Variants in SOX13 observed in about 807,000 individuals in gnomAD.
SOX13 encodes the protein transcription factor SOX-13.
Under a neutral mutation model 71.8 loss-of-function variants are expected in SOX13, and 28 were observed. The ratio of observed to expected loss-of-function variants is 0.39; its 90% CI spans 0.29 to 0.53. The LOEUF is 0.53. Among genes scored for constraint, SOX13 ranks in the 20% least tolerant of loss-of-function variants. The pLI, the probability that SOX13 is intolerant of heterozygous loss-of-function variation, is 0.70. For synonymous variants in SOX13, 309 were observed against 317.8 expected, an observed-to-expected ratio of 0.97 and a Z score of 0.29; for missense variants, 627 against 810.3, an observed-to-expected ratio of 0.77 and a Z score of 2.75.
In SOX13 at chr1:204,116,547, G is replaced by T. The variant is rs748987612; in HGVS notation, c.459G>T (p.Leu153=). The T allele has an allele frequency of 2.9e-5, 47 of 1,613,872 alleles. No individual in the cohort carries two copies. Among genetic ancestry groups the T allele is most frequent in the Non-Finnish European group, 3.8e-5 (45 of 1,179,900 alleles). The change falls in exon 5 of 14, where the codon CTG becomes CTT. Residue 153 remains leucine, a synonymous_variant. Coordinates refer to ENST00000367204, the MANE Select transcript of SOX13 (RefSeq NM_005686.3). ...ESLAEKELQL[L]VMIHQLSTLR... The stretch of plus-strand genomic sequence containing the variant: ...TAGCAGAGAAGGAGCTCCAGCTTCT[G>T]GTCATGATTCACCAGCTGTCCACCC...
At chr1:204,122,147 T>C in intron 8 of SOX13, 90 bp from the exon 9 acceptor site, 1 of 1,208,122 alleles carries the variant, frequency 8.3e-7, no homozygotes, top group Non-Finnish European at 1.2e-6. Context: ...CCTTGTGTGT[T>C]CTGGGTATGC....
intron 1 of SOX13, among the ~76,000 whole-genome samples, chr1:204,112,285 A>G (rs1258545734): frequency 6.6e-6 from 1 of 152,092 alleles, no homozygotes; most frequent in African/African-American, 2.4e-5. Context: ...TACTAAAAAT[A>G]CAAATATTAG....
At chr1:204,117,489 C>A in intron 6 of SOX13, 104 bp from the exon 7 acceptor site, 1 of 745,464 alleles carries the variant, frequency 1.3e-6, no homozygotes. Flanking sequence ...TGCTTTATCC[C>A]CTGTGCCTCT....
Position 204,123,825 on chromosome 1 carries a change from C to T in SOX13, c.1375+21C>T. The T allele has an allele frequency of 6.2e-7, 1 of 1,613,482 alleles. No homozygotes were observed. Among genetic ancestry groups the T allele is most frequent in the Non-Finnish European group, 8.5e-7 (1 of 1,179,616 alleles). ...CCTTGGTAAGGGCCAGTGGCTGGGGCCATGGTTCAGTGTGACCTGGTTGCA... is the reference window on the plus strand; with the variant it reads ...CCTTGGTAAGGGCCAGTGGCTGGGGTCATGGTTCAGTGTGACCTGGTTGCA... On this transcript the variant is annotated intron_variant, in intron 12 of 13. Transcript: ENST00000367204. This position sits in a 1 kb window ranked among gnomAD's most constrained non-coding sequence, Gnocchi z 5.0.
At chr1:204,086,942 A>C (rs1656034588) in intron 1 of SOX13, among the ~76,000 whole-genome samples, 1 of 134,880 alleles carries the variant, frequency 7.4e-6, no homozygotes, top group Admixed American at 7.7e-5. Flanking sequence ...TTTTTTTTTG[A>C]GACGGAGTCT....
At chr1:204,109,070 G>A (rs985347443) in intron 1 of SOX13, among the ~76,000 whole-genome samples, 3 of 152,206 alleles carry the variant, frequency 2.0e-5, no homozygotes, top group Admixed American at 1.3e-4. Flanking sequence ...GGGCTGAGCC[G>A]CCTGCTTTCT....
At position 204,081,721 on chromosome 1, in the gene SOX13, G is replaced by T. The variant is rs963390433; in HGVS notation, c.-2+8010G>T. On this transcript the variant is annotated intron_variant, in intron 1 of 13. Transcript: ENST00000367204. This position sits in a 1 kb window ranked among gnomAD's most constrained non-coding sequence, Gnocchi z 4.3. ...GAGTGGAGGGTGAGGAGGGTTTTCT[G>T]TCTTAGCCCTCAGCCTGTGTGGGGT... Among the ~76,000 whole-genome samples the T allele has an allele frequency of 3.3e-5, 5 of 152,188 alleles. No homozygotes were observed. Among genetic ancestry groups the T allele is most frequent in the African/African-American group, 1.2e-4 (5 of 41,466 alleles).
chr1:204,089,959 A>C (rs1012343822), intron 1 of SOX13, among the ~76,000 whole-genome samples: 2 of 152,234 alleles, frequency 1.3e-5, no homozygotes, highest in African/African-American at 4.8e-5. Context: ...CCATGGTGCC[A>C]GAGGGCAGGG....
At chr1:204,106,517 ATTTTTT>A (rs34769472) in intron 1 of SOX13, among the ~76,000 whole-genome samples, 3 of 140,060 alleles carry the variant, frequency 2.1e-5, no homozygotes, top group Non-Finnish European at 4.6e-5. Context: ...TCCAAAATAA[ATTTTTT>A]TTTTTTTTTT....
In SOX13 at chr1:204,081,616, C is replaced by T. The variant is rs1032240794; in HGVS notation, c.-2+7905C>T. On this transcript the variant is annotated intron_variant, in intron 1 of 13. Coordinates refer to ENST00000367204, the MANE Select transcript of SOX13 (RefSeq NM_005686.3). This position sits in a 1 kb window ranked among gnomAD's most constrained non-coding sequence, Gnocchi z 4.3. ...GGAAAGGCTAGACAGGGAGGGGAGCCTTGGCGTGAGCTGCCCTCACACTGA... is the reference window on the plus strand; with the variant it reads ...GGAAAGGCTAGACAGGGAGGGGAGCTTTGGCGTGAGCTGCCCTCACACTGA... Among the ~76,000 whole-genome samples, 11 of 152,172 alleles carry T rather than the reference C, an allele frequency of 7.2e-5. No homozygotes were observed. Among genetic ancestry groups the T allele is most frequent in the South Asian group, 2.1e-4 (1 of 4,834 alleles).
chr1:204,079,342 C>CTT (rs1299017349), intron 1 of SOX13, among the ~76,000 whole-genome samples: 9 of 100,588 alleles, frequency 8.9e-5, no homozygotes, highest in Admixed American at 3.9e-4. Flanking sequence ...CAGCATAGAA[C>CTT]ATTTTTTTTT....
intron 7 of SOX13, 183 bp downstream of exon 7, chr1:204,117,890 T>C: frequency 1.7e-6 from 1 of 597,020 alleles, no homozygotes; most frequent in Non-Finnish European, 3.0e-6. Flanking sequence ...TGAACTTCAC[T>C]GGGAGAATGA....
chr1:204,087,567 C>T (rs1232584077), intron 1 of SOX13, among the ~76,000 whole-genome samples: 1 of 152,238 alleles, frequency 6.6e-6, no homozygotes, highest in Non-Finnish European at 1.5e-5. Flanking sequence ...GGTCTAGCTT[C>T]TACTGCTAAT....
Position 204,125,314 on chromosome 1 carries a change from CAACACTTTGGG to C in SOX13, c.1592+459_1592+469del, listed in dbSNP as rs1390566677. Among the ~76,000 whole-genome samples, 8 of 152,238 alleles carry C rather than the reference CAACACTTTGGG, an allele frequency of 5.3e-5. No individual in the cohort carries two copies. The East Asian group carries it at 1.4e-3, about 26-fold the overall frequency. On this transcript the variant is annotated intron_variant, in intron 13 of 13. Coordinates refer to ENST00000367204, the MANE Select transcript of SOX13 (RefSeq NM_005686.3). ...GTATAGTGACACACGCCTGTAATGC[CAACACTTTGGG>C]AGGCTGAGGCAGGAGGATCCCTTGA...
At chr1:204,110,902 C>CAA (rs35786896) in intron 1 of SOX13, among the ~76,000 whole-genome samples, 165 of 138,908 alleles carry the variant, frequency 1.2e-3, no homozygotes, top group African/African-American at 3.4e-3. Context: ...AATCCCCATG[C>CAA]AAAAAAAAAA....
At chr1:204,109,708 C>T (rs565784269) in intron 1 of SOX13, among the ~76,000 whole-genome samples, 37 of 152,266 alleles carry the variant, frequency 2.4e-4, no homozygotes, top group African/African-American at 8.9e-4. Flanking sequence ...GTTCCAGGAC[C>T]TCCAAAGATA....
intron 9 of SOX13, 110 bp from the exon 10 acceptor site, chr1:204,122,744 G>T (rs1050998687): frequency 5.9e-6 from 4 of 677,134 alleles, no homozygotes; most frequent in African/African-American, 5.4e-5. Context: ...ACTAACTCAG[G>T]TGCCTCATGG....
At chr1:204,077,291 T>G (rs1329732292) in intron 1 of SOX13, among the ~76,000 whole-genome samples, 2 of 152,236 alleles carry the variant, frequency 1.3e-5, no homozygotes, top group Admixed American at 1.3e-4. Flanking sequence ...TGGATTTTAT[T>G]GCAGGCGATG....
intron 1 of SOX13, among the ~76,000 whole-genome samples, chr1:204,108,691 G>A (rs1003513403): frequency 1.3e-5 from 2 of 152,242 alleles, no homozygotes; most frequent in Admixed American, 6.5e-5. Context: ...CGCAGTGGGT[G>A]TGAGTGAGGT....
Sources: gnomAD v4.1 joint callset for allele counts (sites outside exome capture counted in the v4.1 genomes callset) on GRCh38, gnomAD v4.1.1 for gene constraint, Gnocchi (gnomAD v3.1) non-coding constraint, MANE v1.5 for transcripts, NCBI Gene and HGNC (gene_info 2026-07-23, HGNC 2026-07-21) for gene names.